The following EDA variants were observed in gnomAD, a reference collection of about 807,000 sequenced individuals.
The protein encoded by EDA is ectodysplasin A.
Under a neutral mutation model 23.6 loss-of-function variants are expected in EDA, and 2 were observed. The ratio of observed to expected loss-of-function variants is 0.08; its 90% confidence interval spans 0.03 to 0.27. EDA has a LOEUF of 0.27. Ranked by LOEUF, EDA falls within the 10% of genes least tolerant of loss-of-function variation. EDA has a pLI of 1.00. For synonymous variants in EDA, 131 were observed against 132.0 expected (o/e 0.99, Z 0.05); for missense variants, 229 against 324.2 (o/e 0.71, Z 2.26).
chrX:70,025,033 C>T (rs1178582976), intron 3 of EDA, among the ~76,000 whole-genome samples: 1 of 111,683 alleles, frequency 9.0e-6, no homozygotes, highest in Admixed American at 9.5e-5. Context: ...TTCTCTGGGC[C>T]CAACTTTGTG....
chrX:69,992,811 T>C (rs5936527), intron 2 of EDA, among the ~76,000 whole-genome samples: 37,053 of 111,305 alleles, frequency 0.33, 4,553 homozygotes, highest in African/African-American at 0.38. Flanking sequence ...TTTGTATTAA[T>C]GTAGTCAACT....
At chrX:69,697,799 C>T (rs2011401687) in intron 1 of EDA, among the ~76,000 whole-genome samples, 1 of 112,193 alleles carries the variant, frequency 8.9e-6, no homozygotes, top group Non-Finnish European at 1.9e-5. Flanking sequence ...TGGACTGGTA[C>T]ATGGGCTACT....
At chrX:69,810,740 G>A (rs1490741851) in intron 1 of EDA, among the ~76,000 whole-genome samples, 1 of 90,558 alleles carries the variant, frequency 1.1e-5, no homozygotes, top group Non-Finnish European at 2.1e-5. Flanking sequence ...TGGGCAACAA[G>A]AGCGAGACTC....
intron 1 of EDA, among the ~76,000 whole-genome samples, chrX:69,840,046 T>C (rs2016862942): frequency 8.9e-6 from 1 of 112,231 alleles, no homozygotes; most frequent in African/African-American, 3.2e-5. Context: ...CATCAACTGA[T>C]AAGGTTTGCC....
intron 1 of EDA, among the ~76,000 whole-genome samples, chrX:69,789,703 T>A (rs1486267719): frequency 8.9e-6 from 1 of 111,889 alleles, no homozygotes; most frequent in Non-Finnish European, 1.9e-5. Context: ...TGTATCTATA[T>A]TCCTCCTTGT....
intron 1 of EDA, among the ~76,000 whole-genome samples, chrX:69,817,606 ATTTT>A (rs765523147): frequency 1.2e-4 from 14 of 112,528 alleles, no homozygotes; most frequent in Non-Finnish European, 2.4e-4. Context: ...ACCAACCAAG[ATTTT>A]AAAAAAGACA....
chrX:69,621,361 A>G (rs1347493061), intron 1 of EDA, among the ~76,000 whole-genome samples: 1 of 111,956 alleles, frequency 8.9e-6, no homozygotes, highest in African/African-American at 3.2e-5. Flanking sequence ...TTTTCTATTG[A>G]AGTATAACTC....
Position 69,856,256 on chromosome X carries a change from T to TGG in EDA, c.397-100770_397-100769insGG, listed in dbSNP as rs1229571868. Among the ~76,000 whole-genome samples the TGG allele has an allele frequency of 7.0e-3, 547 of 78,606 alleles. 1 individual carries two copies. The highest frequency in any genetic ancestry group is 8.6e-3 in the African/African-American group (196 of 22,701). 68.3% of individuals were successfully genotyped at this position (78,606 alleles called of 115,157 possible). ...TTTATGGCTGAGTAGTATTCCATGGTGTGTGTGTGTGTGTGTGTGTGTGTG... is the reference window on the plus strand; with the variant it reads ...TTTATGGCTGAGTAGTATTCCATGGTGGGTGTGTGTGTGTGTGTGTGTGTGTG... On this transcript the variant is annotated intron_variant, in intron 1 of 7. Transcript: ENST00000374552.
At chrX:69,730,226 G>A (rs907431054) in intron 1 of EDA, among the ~76,000 whole-genome samples, 1 of 111,329 alleles carries the variant, frequency 9.0e-6, no homozygotes. Flanking sequence ...TGGGGATTTT[G>A]TTTTGTTCAC....
intron 1 of EDA, among the ~76,000 whole-genome samples, chrX:69,677,715 T>C (rs1293286700): frequency 1.8e-5 from 2 of 112,288 alleles, no homozygotes; most frequent in Admixed American, 1.9e-4. Flanking sequence ...TTGTAGATTC[T>C]GGATGTTAGC....
At chrX:69,934,827 A>G (rs2018648774) in intron 1 of EDA, among the ~76,000 whole-genome samples, 2 of 111,648 alleles carry the variant, frequency 1.8e-5, no homozygotes, top group African/African-American at 6.5e-5. Context: ...TAAAACGTAC[A>G]ATAATAAAAT....
In EDA at chrX:69,987,783, C is replaced by T. The variant is rs760048803; in HGVS notation, c.502+30651C>T. ...GATTCTATTCCATTTCTTCCCCCCA[C>T]AAAAGCAGACAGCTTGCTCTTAATC... is the stretch of plus-strand genomic sequence containing the variant. On this transcript the variant is annotated intron_variant, in intron 2 of 7. Transcript: ENST00000374552. Among the ~76,000 whole-genome samples the T allele has an allele frequency of 1.3e-4, 15 of 111,533 alleles. No individual in the cohort carries two copies. In the South Asian group the frequency reaches 5.7e-3, roughly 42 times the overall value.
At chrX:69,736,613 G>T (rs2013268790) in intron 1 of EDA, among the ~76,000 whole-genome samples, 1 of 110,721 alleles carries the variant, frequency 9.0e-6, no homozygotes, top group African/African-American at 3.3e-5. Flanking sequence ...ACAGGCGTGA[G>T]CCACTGCATC....
chrX:69,704,815 C>G (rs1295401386), intron 1 of EDA, among the ~76,000 whole-genome samples: 4 of 111,514 alleles, frequency 3.6e-5, no homozygotes, highest in Non-Finnish European at 5.6e-5. Flanking sequence ...TCTTGAATTG[C>G]TCATTAAACA....
intron 1 of EDA, among the ~76,000 whole-genome samples, chrX:69,701,310 C>T (rs1363325473): frequency 1.8e-5 from 2 of 110,958 alleles, no homozygotes; most frequent in African/African-American, 6.6e-5. Context: ...CACAGTCCGA[C>T]TTCCAGTGGG....
At chrX:69,646,081 T>C (rs1320871850) in intron 1 of EDA, among the ~76,000 whole-genome samples, 1 of 111,365 alleles carries the variant, frequency 9.0e-6, no homozygotes, top group Non-Finnish European at 1.9e-5. Flanking sequence ...TCTTTTGCAT[T>C]TGTTGAGGGG....
At chrX:70,005,736 C>A (rs1172321033) in intron 2 of EDA, among the ~76,000 whole-genome samples, 1 of 110,228 alleles carries the variant, frequency 9.1e-6, no homozygotes, top group African/African-American at 3.3e-5. Flanking sequence ...CTTGGAGATT[C>A]ATGTTGAACT....
intron 1 of EDA, among the ~76,000 whole-genome samples, chrX:69,760,197 C>CAAAA (rs1162014486): frequency 6.5e-4 from 30 of 46,473 alleles, no homozygotes; most frequent in African/African-American, 7.9e-4. Context: ...CTCTTTTGTA[C>CAAAA]AAAAAAAAAA....
chrX:69,828,683 C>A (rs1159132329), intron 1 of EDA, among the ~76,000 whole-genome samples: 4 of 112,393 alleles, frequency 3.6e-5, no homozygotes, highest in Non-Finnish European at 5.6e-5. Context: ...ACGCTGGGAG[C>A]TGTAGACCGG....
Sources: gnomAD v4.1 joint callset for allele counts (sites outside exome capture counted in the v4.1 genomes callset) on GRCh38, gnomAD v4.1.1 for gene constraint, MANE v1.5 for transcripts, NCBI Gene and HGNC (gene_info 2026-07-23, HGNC 2026-07-21) for gene names.